Variants in CFHR4 observed in about 807,000 individuals in gnomAD.
CFHR4 encodes the protein complement factor H related 4.
CFHR4 carries 64 observed loss-of-function variants against 69.3 expected under a neutral mutation model. The ratio of observed to expected loss-of-function variants is 0.92; its 90% CI spans 0.76 to 1.14. CFHR4 has a LOEUF of 1.14. Among genes scored for constraint, CFHR4 ranks in the 50% most tolerant of loss-of-function variants. The pLI is 0.00. For synonymous variants in CFHR4, 244 were observed against 237.0 expected, an observed-to-expected ratio of 1.03 and a Z score of -0.27; for missense variants, 636 against 684.9, an observed-to-expected ratio of 0.93 and a Z score of 0.80.
chr1:196,894,694 T>C (rs566583931), intron 1 of CFHR4, among the ~76,000 whole-genome samples: 87 of 151,582 alleles, frequency 5.7e-4, no homozygotes, highest in Non-Finnish European at 9.7e-4. Context: ...AAGAAATACT[T>C]ACCTGTGAGA....
chr1:196,896,898 T>TTTA (rs571196801), intron 1 of CFHR4, among the ~76,000 whole-genome samples: 6 of 151,320 alleles, frequency 4.0e-5, no homozygotes, highest in Admixed American at 6.6e-5. Context: ...TTTAATCTTT[T>TTTA]TTATTATTAT....
chr1:196,888,242 C>T (rs756447193), intron 1 of CFHR4, 34 bp downstream of exon 1: 1 of 1,600,440 alleles, frequency 6.2e-7, no homozygotes, highest in Non-Finnish European at 8.6e-7. Context: ...CTCAGCTTCC[C>T]TCTTAAATGT....
Position 196,907,240 on chromosome 1 carries a change from G to A in CFHR4, c.617-76G>A, listed in dbSNP as rs191740006. On this transcript the variant is annotated intron_variant, in intron 4 of 9. Transcript: ENST00000608469. ...GAAATCAAATAAGATACATTTAAGA[G>A]TATATAAAAAGCTTTATTCAGAAAG... 1.8e-4 allele frequency: 232 copies of A among 1,311,000 alleles called. 12 individuals are homozygous for A. In the African/African-American group the frequency reaches 2.7e-3, roughly 15 times the overall value. 81.2% of individuals were successfully genotyped at this position (1,311,000 alleles called of 1,614,324 possible).
At chr1:196,899,137 G>T (rs1306724415) in intron 1 of CFHR4, among the ~76,000 whole-genome samples, 1 of 140,784 alleles carries the variant, frequency 7.1e-6, no homozygotes, top group Non-Finnish European at 1.6e-5. Flanking sequence ...GTAGCAAAAT[G>T]TCTCTCACGT....
chr1:196,918,294 CAG>C lies in CFHR4; in HGVS notation c.1626_1627del (p.Asp544TyrfsTer3). The C allele has an allele frequency of 6.2e-7, 1 of 1,609,686 alleles. No homozygotes were observed. Among genetic ancestry groups the C allele is most frequent in the Non-Finnish European group, 8.5e-7 (1 of 1,177,268 alleles). On this transcript the variant is annotated frameshift_variant, in exon 10 of 10. Coordinates refer to ENST00000608469, the MANE Select transcript of CFHR4 (RefSeq NM_001201550.3). LOFTEE classifies it low-confidence loss of function (END_TRUNC). Reference sequence around the variant, plus strand: ...AGTGACATAAAATATTATGCAAAAACAGGGGATACCATTGAATTTATGTGTAA... The same window carrying C: ...AGTGACATAAAATATTATGCAAAAACGGGATACCATTGAATTTATGTGTAA...
At chr1:196,895,361 AC>A (rs1234994456) in intron 1 of CFHR4, among the ~76,000 whole-genome samples, 3 of 151,498 alleles carry the variant, frequency 2.0e-5, no homozygotes, top group South Asian at 2.1e-4. Flanking sequence ...ATTTCTTCAA[AC>A]ATTCTCTATT....
At chr1:196,909,343 T>C (rs781621072) in intron 5 of CFHR4, among the ~76,000 whole-genome samples, 5 of 151,592 alleles carry the variant, frequency 3.3e-5, no homozygotes, top group Middle Eastern at 3.4e-3. Context: ...AAGGCAACCT[T>C]ATGAAAAATA....
Position 196,909,737 on chromosome 1 carries a change from C to G in CFHR4, c.800-544C>G, listed in dbSNP as rs569697026. ...TGGAAGAACTGGGCTTAATACCTAGCGTATGGGTTGATAGGTGGAGCTAAC... is the reference window on the plus strand; with the variant it reads ...TGGAAGAACTGGGCTTAATACCTAGGGTATGGGTTGATAGGTGGAGCTAAC... On this transcript the variant is annotated intron_variant, in intron 5 of 9. Transcript: ENST00000608469. 1.7e-3 allele frequency among the ~76,000 whole-genome samples: 256 copies of G among 151,276 alleles called. 7 individuals carry two copies. The highest frequency in any genetic ancestry group is 5.9e-3 in the African/African-American group (241 of 41,018).
At position 196,907,497 on chromosome 1, in the gene CFHR4, ATG is replaced by A. The variant is rs1220229845; in HGVS notation, c.799+1_799+2del. The A allele has an allele frequency of 3.1e-6, 5 of 1,605,502 alleles. No individual in the cohort carries two copies. The highest frequency in any genetic ancestry group is 4.3e-6 in the Non-Finnish European group (5 of 1,174,774). On this transcript the variant is annotated splice_donor_variant and coding_sequence_variant, in exon 5 of 10. Transcript: ENST00000608469. LOFTEE classifies it high-confidence loss of function. ...ACTGGTCAGAACCACCAAGATGCAT[ATG>A]TAAGTTCTTAATATTCTGGATCTGA...
At position 196,898,633 on chromosome 1, in the gene CFHR4, A is replaced by C. The variant is rs189247222; in HGVS notation, c.59-3785A>C. On this transcript the variant is annotated intron_variant, in intron 1 of 9. Coordinates refer to ENST00000608469, the MANE Select transcript of CFHR4 (RefSeq NM_001201550.3). ...GTATATTAGTTATGTATGGTTGTGA[A>C]ACATATTTTGCTAAAAACATATTTG... is the stretch of plus-strand genomic sequence containing the variant. 4.8e-3 allele frequency among the ~76,000 whole-genome samples: 725 copies of C among 151,752 alleles called. 9 individuals carry two copies. The highest frequency in any genetic ancestry group is 0.018 in the South Asian group (89 of 4,820).
At chr1:196,905,837 A>G (rs115015790) in intron 3 of CFHR4, among the ~76,000 whole-genome samples, 4,463 of 151,520 alleles carry the variant, frequency 0.029, 335 homozygotes, top group African/African-American at 0.1. Flanking sequence ...AAAGAAAAAG[A>G]GTAAGTGGGT....
chr1:196,911,633 A>G (rs2124967907), intron 6 of CFHR4, among the ~76,000 whole-genome samples: 1 of 151,556 alleles, frequency 6.6e-6, no homozygotes, highest in East Asian at 1.9e-4. Flanking sequence ...TAGAAACCAT[A>G]TGAATATTAT....
chr1:196,888,592 T>C (rs1311730388), intron 1 of CFHR4, among the ~76,000 whole-genome samples: 2 of 151,230 alleles, frequency 1.3e-5, no homozygotes, highest in Non-Finnish European at 2.9e-5. Context: ...GATACTTTCA[T>C]AATCTTACAT....
At position 196,902,578 on chromosome 1, in the gene CFHR4, C is replaced by T; in HGVS notation, c.219C>T (p.Cys73=). The stretch of plus-strand genomic sequence containing the variant: ...GAAGTTACTGGGATTACATTCATTG[C>T]ACACAAGATGGTTGGTCACCAACGG... ...PSGSYWDYIH[C]TQDGWSPTVP... Residue 73 remains cysteine, a synonymous_variant, in exon 2 of 10, where the codon TGC becomes TGT. Coordinates refer to ENST00000608469, the MANE Select transcript of CFHR4 (RefSeq NM_001201550.3). The T allele has an allele frequency of 6.2e-7, 1 of 1,612,344 alleles. No individual in the cohort carries two copies. Among genetic ancestry groups the T allele is most frequent in the Non-Finnish European group, 8.5e-7 (1 of 1,179,270 alleles).
Position 196,915,875 on chromosome 1 carries a change from A to G in CFHR4, c.1540+737A>G, listed in dbSNP as rs148817637. Among the ~76,000 whole-genome samples, 506 of 151,574 alleles carry G rather than the reference A, an allele frequency of 3.3e-3. 19 individuals are homozygous for G. The highest frequency in any genetic ancestry group is 0.011 in the African/African-American group (472 of 41,192). On this transcript the variant is annotated intron_variant, in intron 9 of 9. Coordinates refer to ENST00000608469, the MANE Select transcript of CFHR4 (RefSeq NM_001201550.3). ...AGAGTTTTCAAACAGTTATGAAAAC[A>G]CTGTTTCAAAAAACCACGAACTATT...
At chr1:196,907,549 C>T in intron 5 of CFHR4, 51 bp downstream of exon 5, 6 of 1,482,906 alleles carry the variant, frequency 4.0e-6, no homozygotes, top group Non-Finnish European at 5.6e-6. Context: ...TAACTTTGAT[C>T]CTTGTTTATT....
rs10494745 is a variant in CFHR4, at chr1:196,918,327, G to A, written c.1658G>A (p.Gly553Glu). The stretch of plus-strand genomic sequence containing the variant: ...ACCATTGAATTTATGTGTAAATTGG[G>A]ATATAATGCGAATACATCAGTTCTA... ...GDTIEFMCKL[G>E]YNANTSVLSF... Residue 553 changes from glycine (G) to glutamate (E), a missense_variant, in exon 10 of 10, where the codon GGA becomes GAA. Coordinates refer to ENST00000608469, the MANE Select transcript of CFHR4 (RefSeq NM_001201550.3). The A allele has an allele frequency of 0.092, 148,798 of 1,610,866 alleles. 8,908 individuals carry two copies. Among genetic ancestry groups the A allele is most frequent in the Non-Finnish European group, 0.1 (123,454 of 1,178,144 alleles).
rs547476939 is a variant in CFHR4 at position 196,891,022 on chromosome 1, G to A, written c.58+2814G>A. The stretch of plus-strand genomic sequence containing the variant: ...ATCCCAGCAATTTGGAGGCCAAGTC[G>A]GGGAGATCACTTGAGGCCAGGAGTT... On this transcript the variant is annotated intron_variant, in intron 1 of 9. Coordinates refer to ENST00000608469, the MANE Select transcript of CFHR4 (RefSeq NM_001201550.3). 7.9e-5 allele frequency among the ~76,000 whole-genome samples: 12 copies of A among 151,554 alleles called. No individual in the cohort carries two copies. In the South Asian group the frequency reaches 2.1e-3, roughly 26 times the overall value.
chr1:196,902,607 C>T lies in CFHR4; in HGVS notation c.248C>T (p.Pro83Leu). ...CAAGATGGTTGGTCACCAACGGTCC[C>T]ATGCCTCAGTAAGTAAACCTCTTTA... ...CTQDGWSPTV[P>L]CLRTCSKSDV... The change falls in exon 2 of 10, where the codon CCA (proline) becomes CTA (leucine). Residue 83 changes from proline to leucine, a missense_variant. Physicochemically the swap from Pro to Leu is moderately conservative, Grantham distance 98. This residue lies in a region of CFHR4 where 529 missense variants were observed against 533.2 expected (regional missense o/e 0.99). Coordinates refer to ENST00000608469, the MANE Select transcript of CFHR4 (RefSeq NM_001201550.3). 1 of 1,608,174 alleles carries T rather than the reference C, an allele frequency of 6.2e-7. No individual in the cohort carries two copies. Among genetic ancestry groups the T allele is most frequent in the Non-Finnish European group, 8.5e-7 (1 of 1,175,856 alleles).
Sources: allele counts gnomAD v4.1 joint callset (sites outside exome capture counted in the v4.1 genomes callset), GRCh38; gene constraint gnomAD v4.1.1; regional missense constraint gnomAD v4.1.1; transcripts MANE v1.5; gene names NCBI Gene and HGNC (gene_info 2026-07-23, HGNC 2026-07-21).